Variants in ATG7 observed in about 807,000 individuals in gnomAD.
The protein encoded by ATG7 is autophagy related 7, also known as ubiquitin-like modifier-activating enzyme ATG7.
In ATG7, 70 loss-of-function variants were observed where a neutral mutation model predicts 82.4. That is an observed-to-expected ratio of 0.85 (90% CI 0.70 to 1.04). The LOEUF (loss-of-function observed/expected upper bound fraction) is 1.04. ATG7 is among the 50% of genes least tolerant of loss of function. ATG7 has a pLI of 0.00. For synonymous variants in ATG7, 287 were observed against 313.0 expected, an observed-to-expected ratio of 0.92 and a Z score of 0.88; for missense variants, 792 against 864.3, an observed-to-expected ratio of 0.92 and a Z score of 1.05.
intron 13 of ATG7, 79 bp downstream of exon 13, chr3:11,342,358 C>G: frequency 6.7e-7 from 1 of 1,489,498 alleles, no homozygotes; most frequent in Non-Finnish European, 8.9e-7. Flanking sequence ...TGATTGCCTT[C>G]CATCTCCCAG....
chr3:11,497,377 A>G (rs2090926083), intron 20 of ATG7, among the ~76,000 whole-genome samples: 1 of 120,514 alleles, frequency 8.3e-6, no homozygotes, highest in African/African-American at 3.1e-5. Flanking sequence ...ATATATATAT[A>G]TATATATATA....
chr3:11,461,305 T>C (rs1315744152), intron 20 of ATG7, among the ~76,000 whole-genome samples: 1 of 152,160 alleles, frequency 6.6e-6, no homozygotes, highest in Non-Finnish European at 1.5e-5. Flanking sequence ...TAGGGAATAG[T>C]GATTGGGGTC....
At chr3:11,311,851 A>T (rs898422092) in intron 7 of ATG7, among the ~76,000 whole-genome samples, 1 of 151,820 alleles carries the variant, frequency 6.6e-6, no homozygotes, top group Non-Finnish European at 1.5e-5. Context: ...TAGCAGAATT[A>T]GAGACCGCAG....
At chr3:11,334,571 A>T (rs1184691397) in intron 11 of ATG7, among the ~76,000 whole-genome samples, 2 of 151,558 alleles carry the variant, frequency 1.3e-5, no homozygotes, top group Non-Finnish European at 2.9e-5. Flanking sequence ...CTTGTTCCTT[A>T]TATCATCCTC....
intron 18 of ATG7, among the ~76,000 whole-genome samples, chr3:11,369,154 G>GA (rs2076830567): frequency 6.6e-6 from 1 of 150,796 alleles, no homozygotes; most frequent in African/African-American, 2.5e-5. Context: ...TTTAGATTTT[G>GA]AAAAAATCTC....
intron 3 of ATG7, among the ~76,000 whole-genome samples, chr3:11,295,123 T>A (rs1419654810): frequency 1.1e-4 from 16 of 151,898 alleles, no homozygotes; most frequent in Non-Finnish European, 1.8e-4. Context: ...GAGAAAAAAA[T>A]AAATAAATAT....
chr3:11,564,972 C>T, the ATG7 span: 12 of 1,540,682 alleles, frequency 7.8e-6, no homozygotes, highest in Non-Finnish European at 1.0e-5. Context: ...GGGGCTGCGG[C>T]TCCGCTCCCG....
At chr3:11,512,212 C>T (rs926735476) in intron 20 of ATG7, among the ~76,000 whole-genome samples, 3 of 152,178 alleles carry the variant, frequency 2.0e-5, no homozygotes, top group African/African-American at 7.2e-5. Flanking sequence ...ACTAGCCTAC[C>T]TCCCAGAGGT....
intron 20 of ATG7, among the ~76,000 whole-genome samples, chr3:11,513,157 C>T (rs2092138090): frequency 6.6e-6 from 1 of 152,248 alleles, no homozygotes; most frequent in Admixed American, 6.5e-5. Flanking sequence ...AAGTCCCCAC[C>T]AGACTCAGGA....
At chr3:11,465,088 A>AGTGTGTGTGTGTGTGTGTGTGT (rs55999171) in intron 20 of ATG7, among the ~76,000 whole-genome samples, 4 of 147,420 alleles carry the variant, frequency 2.7e-5, no homozygotes, top group African/African-American at 9.9e-5. Context: ...AAAAACCTAA[A>AGTGTGTGTGTGTGTGTGTGTGT]GTGTGTGTGT....
At chr3:11,505,402 G>A (rs1302988031) in intron 20 of ATG7, among the ~76,000 whole-genome samples, 1 of 152,174 alleles carries the variant, frequency 6.6e-6, no homozygotes, top group Non-Finnish European at 1.5e-5. Flanking sequence ...TGGTGTCTGT[G>A]TTGTTTAGAA....
chr3:11,504,329 G>A (rs1321420107), intron 20 of ATG7, among the ~76,000 whole-genome samples: 1 of 152,168 alleles, frequency 6.6e-6, no homozygotes, highest in Admixed American at 6.5e-5. Context: ...ACATAGAATA[G>A]ATACTTTCAG....
intron 20 of ATG7, among the ~76,000 whole-genome samples, chr3:11,548,801 A>G (rs2071514018): frequency 6.6e-6 from 1 of 152,344 alleles, no homozygotes; most frequent in African/African-American, 2.4e-5. Flanking sequence ...GCCTGTTCCC[A>G]GTCTTTTCCT....
At chr3:11,340,159 T>C (rs947350293) in intron 11 of ATG7, among the ~76,000 whole-genome samples, 1 of 152,202 alleles carries the variant, frequency 6.6e-6, no homozygotes, top group Admixed American at 6.5e-5. Flanking sequence ...CACCTTGGAC[T>C]GTGATCTGCT....
At chr3:11,545,624 CTG>C (rs1186446880) in intron 20 of ATG7, among the ~76,000 whole-genome samples, 1 of 152,242 alleles carries the variant, frequency 6.6e-6, no homozygotes, top group Non-Finnish European at 1.5e-5. Context: ...CCCGCCAGCC[CTG>C]TCCCCTCTCT....
intron 20 of ATG7, among the ~76,000 whole-genome samples, chr3:11,538,696 A>T (rs1181172799): frequency 7.0e-6 from 1 of 142,274 alleles, no homozygotes; most frequent in East Asian, 2.1e-4. Context: ...AAAAAAAAAA[A>T]AAAAAAAAAA....
intron 3 of ATG7, among the ~76,000 whole-genome samples, chr3:11,282,691 CT>C (rs1236883634): frequency 6.6e-6 from 1 of 152,220 alleles, no homozygotes; most frequent in Non-Finnish European, 1.5e-5. Flanking sequence ...AGAGCCTACT[CT>C]TTCTTCTAAG....
At chr3:11,402,015 T>G (rs1421446835) in intron 19 of ATG7, among the ~76,000 whole-genome samples, 1 of 152,170 alleles carries the variant, frequency 6.6e-6, no homozygotes, top group Non-Finnish European at 1.5e-5. Context: ...GTGTACAACT[T>G]GGTGGGTTTT....
intron 20 of ATG7, among the ~76,000 whole-genome samples, chr3:11,485,434 G>A (rs1336849862): frequency 6.6e-6 from 1 of 152,158 alleles, no homozygotes; most frequent in Admixed American, 6.5e-5. Flanking sequence ...GTAGATTCTG[G>A]ACATTAGCCC....
Sources: allele counts gnomAD v4.1 joint callset (sites outside exome capture counted in the v4.1 genomes callset), GRCh38; gene constraint gnomAD v4.1.1; transcripts MANE v1.5; gene names NCBI Gene and HGNC (gene_info 2026-07-23, HGNC 2026-07-21).